SLC8A3: variants seen among roughly 807,000 people sequenced by gnomAD.
SLC8A3 encodes solute carrier family 8 member A3.
Under a neutral mutation model 65.4 loss-of-function variants are expected in SLC8A3, and 37 were observed. The ratio of observed to expected loss-of-function variants is 0.57; its 90% confidence interval spans 0.44 to 0.74. SLC8A3 has a LOEUF of 0.74. Among genes scored for constraint, SLC8A3 ranks in the 30% least tolerant of loss-of-function variants. SLC8A3 has a pLI of 0.00. For synonymous variants in SLC8A3, 461 were observed against 444.5 expected (o/e 1.04, Z -0.47); for missense variants, 1,112 against 1,172.1 (o/e 0.95, Z 0.75).
intron 2 of SLC8A3, among the ~76,000 whole-genome samples, chr14:70,166,357 C>G (rs538455203): frequency 6.6e-6 from 1 of 152,326 alleles, no homozygotes; most frequent in African/African-American, 2.4e-5. Context: ...TCCCACAGCT[C>G]CACCAGCTAT....
chr14:70,150,099 G>T (rs1896170355), intron 2 of SLC8A3, among the ~76,000 whole-genome samples: 1 of 152,204 alleles, frequency 6.6e-6, no homozygotes, highest in Non-Finnish European at 1.5e-5. Flanking sequence ...CGCTGGCCCA[G>T]ATAGGTCAAA....
chr14:70,113,438 C>T (rs1566788211), intron 2 of SLC8A3, among the ~76,000 whole-genome samples: 1 of 152,308 alleles, frequency 6.6e-6, no homozygotes, highest in East Asian at 1.9e-4. Context: ...CCACTGTTAA[C>T]CAAAACATCA....
At chr14:70,051,708 T>C (rs1280318464) in intron 4 of SLC8A3, among the ~76,000 whole-genome samples, 1 of 152,172 alleles carries the variant, frequency 6.6e-6, no homozygotes, top group Non-Finnish European at 1.5e-5. Context: ...TATTTTTGCT[T>C]TAAAAACACA....
Position 70,167,760 on chromosome 14 carries a change from C to A in SLC8A3, c.663G>T (p.Leu221=). 4.3e-6 allele frequency: 7 copies of A among 1,614,162 alleles called. No individual in the cohort carries two copies. The highest frequency in any genetic ancestry group is 5.9e-6 in the Non-Finnish European group (7 of 1,180,032). Residue 221 remains leucine, a synonymous_variant, in exon 2 of 7, where the codon CTG becomes CTT. Transcript: ENST00000356921. ...GGACCACACCAGGGGAGAAGACTGCCAGAATCATATAGAGCCAGATGTAGG... is the reference window on the plus strand; with the variant it reads ...GGACCACACCAGGGGAGAAGACTGCAAGAATCATATAGAGCCAGATGTAGG... ...IFAYIWLYMI[L]AVFSPGVVQV...
intron 6 of SLC8A3, chr14:70,048,054 C>T (rs1886996384): frequency 6.5e-6 from 1 of 153,452 alleles, no homozygotes; most frequent in Admixed American, 6.5e-5. Flanking sequence ...AATACTGTAA[C>T]AGGCATAATA....
intron 2 of SLC8A3, among the ~76,000 whole-genome samples, chr14:70,119,467 A>G (rs1218845696): frequency 1.3e-5 from 2 of 152,196 alleles, no homozygotes; most frequent in Admixed American, 1.3e-4. Flanking sequence ...TGAGAATCAT[A>G]TGATGTCCCA....
At chr14:70,125,654 T>G (rs1417098010) in intron 2 of SLC8A3, among the ~76,000 whole-genome samples, 2 of 152,228 alleles carry the variant, frequency 1.3e-5, no homozygotes, top group Non-Finnish European at 2.9e-5. Flanking sequence ...TGCAGGTATC[T>G]TTTTTATATA....
At chr14:70,086,200 G>A (rs1324321888) in intron 2 of SLC8A3, among the ~76,000 whole-genome samples, 1 of 152,072 alleles carries the variant, frequency 6.6e-6, no homozygotes, top group African/African-American at 2.4e-5. Context: ...TGATGAGACA[G>A]GTACTAGCAT....
chr14:70,094,085 C>T (rs1344801079), intron 2 of SLC8A3, among the ~76,000 whole-genome samples: 1 of 152,222 alleles, frequency 6.6e-6, no homozygotes, highest in African/African-American at 2.4e-5. Context: ...TGTTTCCTTC[C>T]TTGCTGACCT....
chr14:70,060,744 A>G (rs765867099), intron 3 of SLC8A3, 92 bp downstream of exon 3: 11 of 814,036 alleles, frequency 1.4e-5, no homozygotes, highest in Non-Finnish European at 2.4e-5. Context: ...AGACAAAAAT[A>G]TAGCTGCTTT....
chr14:70,115,743 C>T (rs1051870571), intron 2 of SLC8A3, among the ~76,000 whole-genome samples: 1 of 152,154 alleles, frequency 6.6e-6, no homozygotes, highest in Non-Finnish European at 1.5e-5. Flanking sequence ...GGTATTTATG[C>T]TGGACTTTTC....
chr14:70,063,719 G>C (rs1889077333), intron 2 of SLC8A3: 5 of 684,958 alleles, frequency 7.3e-6, no homozygotes, highest in Non-Finnish European at 1.3e-5. Context: ...AAGGGAACCA[G>C]AGAGGTGGAA....
chr14:70,087,736 T>C (rs1030773596), intron 2 of SLC8A3, among the ~76,000 whole-genome samples: 5 of 152,224 alleles, frequency 3.3e-5, no homozygotes, highest in Non-Finnish European at 7.3e-5. Flanking sequence ...CTCATATGTT[T>C]CTGCTTCATG....
intron 2 of SLC8A3, among the ~76,000 whole-genome samples, chr14:70,068,141 T>C (rs1418979498): frequency 6.6e-6 from 1 of 152,190 alleles, no homozygotes; most frequent in Admixed American, 6.5e-5. Flanking sequence ...GTCCTTTGCA[T>C]CGAGGACATT....
chr14:70,159,418 AAAAAAAC>A (rs1267299043), intron 2 of SLC8A3, among the ~76,000 whole-genome samples: 2 of 151,686 alleles, frequency 1.3e-5, no homozygotes, highest in African/African-American at 2.4e-5. Flanking sequence ...GTCAAAAAAA[AAAAAAAC>A]AAAAAAAACC....
chr14:70,062,672 C>T (rs1354363387), intron 2 of SLC8A3, among the ~76,000 whole-genome samples: 1 of 152,218 alleles, frequency 6.6e-6, no homozygotes, highest in Non-Finnish European at 1.5e-5. Context: ...CACGACTGTA[C>T]ATTTTTATTA....
chr14:70,112,082 A>C (rs1414753440), intron 2 of SLC8A3, among the ~76,000 whole-genome samples: 1 of 152,232 alleles, frequency 6.6e-6, no homozygotes, highest in Non-Finnish European at 1.5e-5. Context: ...CTCAAGCAGT[A>C]CTTTGGAAGA....
intron 2 of SLC8A3, among the ~76,000 whole-genome samples, chr14:70,130,337 G>A (rs946887827): frequency 1.3e-5 from 2 of 152,226 alleles, no homozygotes; most frequent in Non-Finnish European, 2.9e-5. Flanking sequence ...CTATAAAGGT[G>A]TAACAATGCT....
chr14:70,125,303 T>C (rs1268319362), intron 2 of SLC8A3, among the ~76,000 whole-genome samples: 1 of 152,186 alleles, frequency 6.6e-6, no homozygotes, highest in African/African-American at 2.4e-5. Context: ...CATTAAGTAA[T>C]TTTTCATCAT....
Sources: gnomAD v4.1 joint callset for allele counts (sites outside exome capture counted in the v4.1 genomes callset) on GRCh38, gnomAD v4.1.1 for gene constraint, MANE v1.5 for transcripts, NCBI Gene and HGNC (gene_info 2026-07-23, HGNC 2026-07-21) for gene names.